Variants in UTP20 observed in about 807,000 individuals in gnomAD.
UTP20 encodes the protein small subunit processome component 20 homolog.
In UTP20, 164 loss-of-function variants were observed where a neutral mutation model predicts 329.5. That is an observed-to-expected ratio of 0.50 (90% CI 0.44 to 0.57). The LOEUF (loss-of-function observed/expected upper bound fraction) is 0.57, where lower values mean the gene tolerates loss of function less well. Ranked by LOEUF, UTP20 falls within the 20% of genes least tolerant of loss-of-function variation. The probability of loss-of-function intolerance (pLI) is 0.00; values close to 1 mark genes in which losing one functional copy is unlikely to be tolerated. For missense variants in UTP20, 3,055 were observed against 3,284.2 expected (o/e 0.93, Z 1.71); for synonymous variants, 1,151 against 1,159.3 (o/e 0.99, Z 0.14).
chr12:101,381,089 A>G (rs766091037), intron 57 of UTP20, 51 bp from the exon 58 acceptor site: 1 of 1,476,980 alleles, frequency 6.8e-7, no homozygotes, highest in Admixed American at 1.7e-5. Flanking sequence ...TTTTAAAAAC[A>G]ATCAGAAATG....
At position 101,354,866 on chromosome 12, in the gene UTP20, G is replaced by A. The variant is rs767429325; in HGVS notation, c.5142G>A (p.Glu1714=). ...AAGCAATTGAGTTACCAGAGCCTGA[G>A]GCCATGGAATTAGAGCGTGTGGATG... The part of the protein sequence containing the change: ...AIEAIELPEP[E]AMELERVDEE... Residue 1714 remains glutamate (E), a synonymous_variant, in exon 41 of 62, where the codon GAG becomes GAA. Transcript: ENST00000261637. 1.9e-6 allele frequency: 3 copies of A among 1,614,100 alleles called. No individual in the cohort carries two copies. The Admixed American group carries it at 5.0e-5, about 27-fold the overall frequency.
intron 11 of UTP20, among the ~76,000 whole-genome samples, chr12:101,295,154 T>A (rs917049337): frequency 3.9e-5 from 6 of 152,182 alleles, no homozygotes; most frequent in Admixed American, 3.3e-4. Flanking sequence ...TCTCTAATTT[T>A]GGTGGAATTT....
chr12:101,382,213 T>C (rs1441039751), intron 58 of UTP20, among the ~76,000 whole-genome samples: 1 of 152,056 alleles, frequency 6.6e-6, no homozygotes, highest in East Asian at 1.9e-4. Context: ...AAGACCAGCC[T>C]GGCCAACATG....
At chr12:101,316,592 A>G (rs1872979649) in intron 21 of UTP20, among the ~76,000 whole-genome samples, 1 of 152,194 alleles carries the variant, frequency 6.6e-6, no homozygotes, top group South Asian at 2.1e-4. Context: ...ACTTGGGCTA[A>G]GCTAGAGTTT....
At chr12:101,283,149 A>G (rs1389353774) in intron 2 of UTP20, among the ~76,000 whole-genome samples, 1 of 152,184 alleles carries the variant, frequency 6.6e-6, no homozygotes, top group Non-Finnish European at 1.5e-5. Context: ...GGCATTTAGA[A>G]TATGATTAAT....
chr12:101,283,406 C>T (rs892906095), intron 2 of UTP20, among the ~76,000 whole-genome samples: 15 of 152,164 alleles, frequency 9.9e-5, no homozygotes, highest in Non-Finnish European at 1.5e-5. Flanking sequence ...GTCAAGACCT[C>T]ATAAAGTTTT....
chr12:101,371,416 TGA>T (rs1337498847), intron 51 of UTP20, among the ~76,000 whole-genome samples: 10 of 150,000 alleles, frequency 6.7e-5, no homozygotes, highest in African/African-American at 2.5e-4. Flanking sequence ...TTGAGGTGAG[TGA>T]GAGCTTAGCT....
intron 12 of UTP20, among the ~76,000 whole-genome samples, chr12:101,298,725 A>G (rs933238236): frequency 6.6e-6 from 1 of 152,232 alleles, no homozygotes; most frequent in African/African-American, 2.4e-5. Flanking sequence ...ATTACTAAAA[A>G]GACTATATAT....
Position 101,299,731 on chromosome 12 carries a change from T to C in UTP20, c.1480T>C (p.Phe494Leu), listed in dbSNP as rs535772659. The C allele has an allele frequency of 1.7e-4, 279 of 1,610,030 alleles. 4 individuals carry two copies. In the South Asian group the frequency reaches 2.8e-3, roughly 16 times the overall value. Residue 494 changes from phenylalanine (F) to leucine (L), a missense_variant, in exon 13 of 62, where the codon TTT (phenylalanine) becomes CTT (leucine). Transcript: ENST00000261637. ...TAGATCCAAGGGAAGAAACGAACAG[T>C]TTCCAGTATTGGACCATCTTTTATC... is the stretch of plus-strand genomic sequence containing the variant. The part of the protein sequence containing the change: ...KTRSKGRNEQ[F>L]PVLDHLLSII...
intron 29 of UTP20, among the ~76,000 whole-genome samples, chr12:101,335,324 G>A (rs1359028079): frequency 6.6e-6 from 1 of 152,122 alleles, no homozygotes; most frequent in African/African-American, 2.4e-5. Flanking sequence ...AAAATTTTAA[G>A]TATTAGAATT....
intron 21 of UTP20, among the ~76,000 whole-genome samples, chr12:101,312,910 A>G (rs1326233978): frequency 1.3e-5 from 2 of 152,220 alleles, no homozygotes; most frequent in Non-Finnish European, 2.9e-5. Flanking sequence ...GGGTTACAGT[A>G]TAAGAAGGGC....
chr12:101,336,698 ATTATCCACAGC>A (rs1944781188), intron 29 of UTP20, among the ~76,000 whole-genome samples: 1 of 152,138 alleles, frequency 6.6e-6, no homozygotes, highest in South Asian at 2.1e-4. Context: ...TTCATAACGT[ATTATCCACAGC>A]TCCTTCAGGG....
chr12:101,378,019 C>G (rs556580858), intron 56 of UTP20, among the ~76,000 whole-genome samples: 1 of 152,128 alleles, frequency 6.6e-6, no homozygotes, highest in East Asian at 1.9e-4. Context: ...CTCAGGAGTT[C>G]GAGACCAGCG....
At position 101,312,220 on chromosome 12, in the gene UTP20, A is replaced by G. The variant is rs955656585; in HGVS notation, c.2496A>G (p.Pro832=). 1.9e-6 allele frequency: 3 copies of G among 1,614,238 alleles called. No individual in the cohort carries two copies. The highest frequency in any genetic ancestry group is 1.1e-5 in the South Asian group (1 of 91,076). Reference sequence around the variant, plus strand: ...TCTGGAGAGCTCTGACCAAATTCCCAGAAAGAGTAGAGCCACGGTCCAGGG... The same window carrying G: ...TCTGGAGAGCTCTGACCAAATTCCCGGAAAGAGTAGAGCCACGGTCCAGGG... The part of the protein sequence containing the change: ...FLLWRALTKF[P]ERVEPRSREL... Residue 832 remains proline (P), a synonymous_variant, in exon 21 of 62, where the codon CCA becomes CCG. Transcript: ENST00000261637.
rs1243058790 is a variant in UTP20, at chr12:101,338,911, AAAAAG to A, written c.3970_3974del (p.Lys1324Ter). 6.2e-7 allele frequency: 1 copy of A among 1,611,252 alleles called. No individual in the cohort carries two copies. Among genetic ancestry groups the A allele is most frequent in the African/African-American group, 1.3e-5 (1 of 74,804 alleles). Reference sequence around the variant, plus strand: ...AATAAGCGCAGAAAAGGTGAAAAAGAAAAAGAATAGAGCACAAGTCAGTAAAGAGC... The same window carrying A: ...AATAAGCGCAGAAAAGGTGAAAAAGAAATAGAGCACAAGTCAGTAAAGAGC... On this transcript the variant is annotated frameshift_variant, in exon 31 of 62. Transcript: ENST00000261637. LOFTEE classifies it high-confidence loss of function.
At position 101,320,895 on chromosome 12, in the gene UTP20, A is replaced by G. The variant is rs757916667; in HGVS notation, c.2873A>G (p.Asp958Gly). Reference protein sequence around the residue: ...QDQMVQKITLDCIMTYKHPHV... With the variant: ...QDQMVQKITLGCIMTYKHPHV... ...CAAATGGTGCAAAAAATAACCTTGG[A>G]TTGCATAATGACATATAAACATCCT... The change falls in exon 24 of 62, where the codon GAT becomes GGT. Residue 958 changes from aspartate (D) to glycine (G), a missense_variant. Transcript: ENST00000261637. The G allele has an allele frequency of 1.9e-6, 3 of 1,611,982 alleles. No individual in the cohort carries two copies. Among genetic ancestry groups the G allele is most frequent in the South Asian group, 1.1e-5 (1 of 90,290 alleles).
intron 5 of UTP20, among the ~76,000 whole-genome samples, chr12:101,287,565 T>C (rs1872000482): frequency 6.6e-6 from 1 of 152,244 alleles, no homozygotes; most frequent in East Asian, 1.9e-4. Flanking sequence ...CTCTTATCTG[T>C]ACATTCATTC....
chr12:101,346,640 C>T, intron 38 of UTP20, 52 bp downstream of exon 38: 2 of 1,502,734 alleles, frequency 1.3e-6, no homozygotes, highest in Non-Finnish European at 1.8e-6. Flanking sequence ...CCATGACACA[C>T]TTTGCCAGAA....
intron 18 of UTP20, among the ~76,000 whole-genome samples, chr12:101,309,248 A>AT (rs1235009862): frequency 1.8e-4 from 28 of 152,196 alleles, no homozygotes; most frequent in Non-Finnish European, 5.9e-5. Context: ...TCCCTAAATA[A>AT]TAATAAAACT....
Sources: allele counts gnomAD v4.1 joint callset (sites outside exome capture counted in the v4.1 genomes callset), GRCh38; gene constraint gnomAD v4.1.1; transcripts MANE v1.5; gene names NCBI Gene and HGNC (gene_info 2026-07-23, HGNC 2026-07-21).